Variants in ITIH2 observed in about 807,000 individuals in gnomAD.
ITIH2 encodes inter-alpha-trypsin inhibitor heavy chain 2, also known as inter-alpha-trypsin inhibitor heavy chain H2.
ITIH2 carries 103 observed loss-of-function variants against 104.4 expected under a neutral mutation model. The observed-to-expected ratio is 0.99, with a 90% CI of 0.84 to 1.16. The LOEUF (loss-of-function observed/expected upper bound fraction) is 1.16, where lower values mean the gene tolerates loss of function less well. ITIH2 is among the 50% of genes most tolerant of loss of function. ITIH2 has a pLI of 0.00. For missense variants in ITIH2, 1,108 were observed against 1,162.4 expected (o/e 0.95, Z 0.68); for synonymous variants, 436 against 435.4 (o/e 1.00, Z -0.02).
intron 9 of ITIH2, among the ~76,000 whole-genome samples, chr10:7,725,531 T>C (rs1479139444): frequency 2.6e-5 from 4 of 152,188 alleles, no homozygotes; most frequent in African/African-American, 7.2e-5. Context: ...GTAAACAGTA[T>C]ATCCTGAAGG....
At position 7,721,679 on chromosome 10, in the gene ITIH2, C is replaced by G; in HGVS notation, c.769C>G (p.Gln257Glu). The G allele has an allele frequency of 1.2e-6, 2 of 1,613,786 alleles. No homozygotes were observed. Among genetic ancestry groups the G allele is most frequent in the Non-Finnish European group, 1.7e-6 (2 of 1,179,708 alleles). ...AHVSFKPTVA[Q>E]QRICPNCRET... The stretch of plus-strand genomic sequence containing the variant: ...CGTCTCCTTCAAGCCCACGGTAGCA[C>G]AGCAGAGAATATGCCCTAACTGCCG... Residue 257 changes from glutamine to glutamate, a missense_variant, in exon 8 of 21, where the codon CAG (glutamine) becomes GAG (glutamate). Physicochemically the swap from Gln to Glu is conservative, Grantham distance 29. Coordinates refer to ENST00000358415, the MANE Select transcript of ITIH2 (RefSeq NM_002216.3).
chr10:7,710,549 A>G (rs1473543906), intron 4 of ITIH2, among the ~76,000 whole-genome samples: 1 of 152,200 alleles, frequency 6.6e-6, no homozygotes, highest in Non-Finnish European at 1.5e-5. Context: ...TGAAGACATT[A>G]GGTTGAATTA....
intron 1 of ITIH2, 108 bp from the exon 2 acceptor site, chr10:7,705,000 A>G: frequency 1.5e-6 from 1 of 675,318 alleles, no homozygotes; most frequent in Non-Finnish European, 2.5e-6. Flanking sequence ...TAGCAAACCA[A>G]CATGGCACAT....
At chr10:7,711,114 G>A (rs139854157) in intron 4 of ITIH2, among the ~76,000 whole-genome samples, 1 of 151,934 alleles carries the variant, frequency 6.6e-6, no homozygotes, top group Non-Finnish European at 1.5e-5. Context: ...GACAGGACAC[G>A]GTGTGTAATA....
chr10:7,705,292 T>C (rs1165287587), intron 2 of ITIH2, 110 bp downstream of exon 2: 3 of 804,726 alleles, frequency 3.7e-6, no homozygotes, highest in Non-Finnish European at 6.3e-6. Context: ...GTTTGTTTTT[T>C]AGCACAGAAG....
chr10:7,740,117 C>G (rs113864245), intron 16 of ITIH2, among the ~76,000 whole-genome samples: 1 of 151,846 alleles, frequency 6.6e-6, no homozygotes, highest in South Asian at 2.1e-4. Flanking sequence ...ACCTGGGAGG[C>G]GGAGGTTGTA....
chr10:7,705,700 T>A (rs200573472), intron 2 of ITIH2, among the ~76,000 whole-genome samples: 58 of 131,838 alleles, frequency 4.4e-4, no homozygotes, highest in African/African-American at 1.4e-3. Context: ...CCACTCCATT[T>A]AAAAAAAAAA....
Position 7,721,747 on chromosome 10 carries a change from G to C in ITIH2, c.837G>C (p.Val279=). ...GGGAACTGGTGGTGCTGTATGACGT[G>C]AAAAGAGAAGAGAAGGCTGGTGAAC... ...VDGELVVLYD[V]KREEKAGELE... The change falls in exon 8 of 21, where the codon GTG becomes GTC. Residue 279 remains valine, a synonymous_variant. Transcript: ENST00000358415. 1.2e-6 allele frequency: 2 copies of C among 1,614,022 alleles called. No individual in the cohort carries two copies. The highest frequency in any genetic ancestry group is 3.3e-5 in the Admixed American group (2 of 60,004).
chr10:7,723,359 G>A lies in ITIH2; in HGVS notation c.868-92G>A, dbSNP rs1318415161. ...CAAGCTCCGCCTCCTCCTCCCTGTA[G>A]ACCCCTCTCTTCTCTGAGTCCCCAG... On this transcript the variant is annotated intron_variant, in intron 8 of 20. Transcript: ENST00000358415. The A allele has an allele frequency of 9.8e-6, 8 of 819,082 alleles. No individual in the cohort carries two copies. The East Asian group carries it at 1.9e-4, about 20-fold the overall frequency. The allele number at this position is 819,082 out of a possible 1,614,324, so 50.7% of individuals were successfully genotyped here.
chr10:7,723,627 T>TA (rs1834927503), intron 9 of ITIH2, 60 bp downstream of exon 9: 2 of 1,044,984 alleles, frequency 1.9e-6, no homozygotes, highest in Non-Finnish European at 3.0e-6. Context: ...GATCCCCTCC[T>TA]AAAAATGCAA....
intron 15 of ITIH2, 98 bp downstream of exon 15, chr10:7,735,189 C>A: frequency 1.8e-6 from 2 of 1,128,614 alleles, no homozygotes; most frequent in Non-Finnish European, 2.5e-6. Flanking sequence ...CCCCAGCCCA[C>A]CTCTTGCTCC....
In ITIH2 at chr10:7,749,423, G is replaced by T; in HGVS notation, c.*89G>T. ...ATTCTTCGGTTTGAATAATTAAAAT[G>T]AACCAGATATCAGGGTGGTTAATTA... is the stretch of plus-strand genomic sequence containing the variant. On this transcript the variant is annotated 3_prime_UTR_variant, in exon 21 of 21. Coordinates refer to ENST00000358415, the MANE Select transcript of ITIH2 (RefSeq NM_002216.3). 1 of 1,164,314 alleles carries T rather than the reference G, an allele frequency of 8.6e-7. No homozygotes were observed. The highest frequency in any genetic ancestry group is 1.2e-6 in the Non-Finnish European group (1 of 817,458). 72.1% of individuals were successfully genotyped at this position (1,164,314 alleles called of 1,614,324 possible). A position where few individuals can be genotyped will look rare whatever the true frequency, so the allele number is the denominator to read the frequency against.
At chr10:7,747,039 T>C (rs1396358604) in intron 20 of ITIH2, among the ~76,000 whole-genome samples, 1 of 152,198 alleles carries the variant, frequency 6.6e-6, no homozygotes, top group Non-Finnish European at 1.5e-5. Context: ...CCTATTACCA[T>C]AGTGCTGCAG....
chr10:7,743,124 G>A (rs3736966), intron 16 of ITIH2, 22 bp from the exon 17 acceptor site: 82,581 of 1,100,746 alleles, frequency 0.075, 4,071 homozygotes, highest in East Asian at 0.24. Context: ...TTTTGTTTAC[G>A]TTTTCTTTGT....
chr10:7,733,209 T>G (rs1218035545), intron 14 of ITIH2, among the ~76,000 whole-genome samples: 1 of 152,152 alleles, frequency 6.6e-6, no homozygotes, highest in Admixed American at 6.6e-5. Context: ...TTTCACATAA[T>G]CATGCAATCT....
chr10:7,721,267 C>T (rs547849805), intron 7 of ITIH2, among the ~76,000 whole-genome samples: 2 of 152,292 alleles, frequency 1.3e-5, no homozygotes, highest in Admixed American at 6.5e-5. Flanking sequence ...ATTCATTAAC[C>T]ATAGCAAGAC....
intron 6 of ITIH2, among the ~76,000 whole-genome samples, chr10:7,719,760 C>CA (rs71385664): frequency 0.31 from 12,712 of 41,606 alleles, 2,440 homozygotes; most frequent in Middle Eastern, 0.38. Context: ...GACCCTGTCT[C>CA]AAAAAAAAAA....
chr10:7,716,889 T>C (rs1834854888), intron 5 of ITIH2, among the ~76,000 whole-genome samples: 1 of 151,600 alleles, frequency 6.6e-6, no homozygotes, highest in South Asian at 2.1e-4. Context: ...ACCTTGGGTG[T>C]GAGTTCTGAT....
At chr10:7,717,106 A>G (rs1834857658) in intron 5 of ITIH2, among the ~76,000 whole-genome samples, 1 of 151,968 alleles carries the variant, frequency 6.6e-6, no homozygotes, top group Non-Finnish European at 1.5e-5. Context: ...GGAACACACC[A>G]CCATGCCCAG....
Sources: gnomAD v4.1 joint callset for allele counts (sites outside exome capture counted in the v4.1 genomes callset) on GRCh38, gnomAD v4.1.1 for gene constraint, MANE v1.5 for transcripts, NCBI Gene and HGNC (gene_info 2026-07-23, HGNC 2026-07-21) for gene names.